ZNF860: variants seen among roughly 807,000 people sequenced by gnomAD.
The protein encoded by ZNF860 is zinc finger protein 860.
For synonymous variants in ZNF860, 206 were observed against 248.9 expected (o/e 0.83, Z 1.62); for missense variants, 641 against 759.2 (o/e 0.84, Z 1.83).
At position 31,981,956 on chromosome 3, in the gene ZNF860, C is replaced by CA. The variant is rs1698858897; in HGVS notation, c.-421+55dup. 1 of 151,860 alleles carries CA rather than the reference C, an allele frequency of 6.6e-6. No individual in the cohort carries two copies. 9.4% of individuals were successfully genotyped at this position (151,860 alleles called of 1,614,324 possible). Reference sequence around the variant, plus strand: ...AGGATTATGATAAATGCTTAACAGACACACGGCTGGGCTGGGGTGAGGCGC... The same window carrying CA: ...AGGATTATGATAAATGCTTAACAGACAACACGGCTGGGCTGGGGTGAGGCGC... On this transcript the variant is annotated intron_variant, in intron 1 of 1. Transcript: ENST00000360311. The surrounding 1 kb of genome is among the most constrained non-coding windows in gnomAD (Gnocchi z 4.5).
chr3:31,988,206 G>A (rs1698963691), intron 1 of ZNF860, among the ~76,000 whole-genome samples: 1 of 152,182 alleles, frequency 6.6e-6, no homozygotes, highest in Non-Finnish European at 1.5e-5. Flanking sequence ...GTGTGAAGGG[G>A]CAGATAACCA....
At chr3:31,986,475 C>CG (rs1201923618) in intron 1 of ZNF860, 4 of 152,280 alleles carry the variant, frequency 2.6e-5, no homozygotes, top group Non-Finnish European at 2.9e-5. Context: ...GGGCCAGGCG[C>CG]GGTGGCTCAC....
At chr3:31,999,763 C>T in the ZNF860 span, among the ~76,000 whole-genome samples, 1 of 152,140 alleles carries the variant, frequency 6.6e-6, no homozygotes, top group East Asian at 1.9e-4. Context: ...ATCACCTTTT[C>T]CAAGGCATGC....
intron 1 of ZNF860, among the ~76,000 whole-genome samples, chr3:31,988,457 T>C (rs1481667318): frequency 6.6e-6 from 1 of 152,228 alleles, no homozygotes; most frequent in Non-Finnish European, 1.5e-5. Context: ...GCTATGCCTA[T>C]AGATTCCTCT....
chr3:31,989,006 A>G lies in ZNF860; in HGVS notation c.-74A>G, dbSNP rs1281420021. On this transcript the variant is annotated 5_prime_UTR_variant, in exon 2 of 2. Coordinates refer to ENST00000360311, the MANE Select transcript of ZNF860 (RefSeq NM_001137674.3). ...GTGATAATTTGTTTCTCGGAAACAG[A>G]TAACTAATACAGAGCAGGAAGCAGA... is the stretch of plus-strand genomic sequence containing the variant. The G allele has an allele frequency of 1.9e-6, 3 of 1,565,184 alleles. No individual in the cohort carries two copies. The highest frequency in any genetic ancestry group is 2.6e-6 in the Non-Finnish European group (3 of 1,151,888).
chr3:32,000,396 C>A, the ZNF860 span, among the ~76,000 whole-genome samples: 2 of 152,170 alleles, frequency 1.3e-5, no homozygotes, highest in Non-Finnish European at 2.9e-5. Flanking sequence ...TACTTCATAG[C>A]TATATGACCT....
chr3:32,005,908 G>A, the ZNF860 span, among the ~76,000 whole-genome samples: 9 of 151,302 alleles, frequency 5.9e-5, no homozygotes, highest in South Asian at 2.1e-4. Context: ...CTTTTAAGTG[G>A]TGTCTTGTTT....
At chr3:31,995,634 A>T (rs1699083888), downstream of ZNF860, among the ~76,000 whole-genome samples, 1 of 152,338 alleles carries the variant, frequency 6.6e-6, no homozygotes, top group South Asian at 2.1e-4. Context: ...GGTGATGTAC[A>T]TCCTCAGCTT....
At chr3:32,005,166 C>T in the ZNF860 span, among the ~76,000 whole-genome samples, 3 of 152,056 alleles carry the variant, frequency 2.0e-5, no homozygotes, top group Non-Finnish European at 4.4e-5. Context: ...CCCATCAACG[C>T]GTCATCTAGG....
the ZNF860 span, among the ~76,000 whole-genome samples, chr3:32,002,420 G>A: frequency 6.6e-6 from 1 of 152,168 alleles, no homozygotes; most frequent in African/African-American, 2.4e-5. Context: ...TAAGTGAAAT[G>A]TATTTTGACA....
chr3:32,004,990 G>A, the ZNF860 span, among the ~76,000 whole-genome samples: 2 of 152,134 alleles, frequency 1.3e-5, no homozygotes, highest in African/African-American at 2.4e-5. Context: ...GGATAGGATG[G>A]CATCTTTATA....
the ZNF860 span, among the ~76,000 whole-genome samples, chr3:32,000,924 G>A: frequency 1.3e-5 from 2 of 152,128 alleles, no homozygotes; most frequent in Admixed American, 1.3e-4. Flanking sequence ...GAAATCTTTG[G>A]AACTGGAATG....
At chr3:32,005,272 A>G in the ZNF860 span, among the ~76,000 whole-genome samples, 1 of 152,086 alleles carries the variant, frequency 6.6e-6, no homozygotes, top group East Asian at 1.9e-4. Flanking sequence ...CCCATGATGC[A>G]CACGCACATC....
intron 1 of ZNF860, among the ~76,000 whole-genome samples, chr3:31,985,111 C>T (rs1367239784): frequency 1.3e-5 from 2 of 152,236 alleles, no homozygotes; most frequent in African/African-American, 4.8e-5. Context: ...TGGTCATACA[C>T]GCCTGTAGTC....
the ZNF860 span, among the ~76,000 whole-genome samples, chr3:31,997,800 G>A: frequency 6.6e-6 from 1 of 151,916 alleles, no homozygotes; most frequent in African/African-American, 2.4e-5. Context: ...TTTTGTTTCT[G>A]AGACAGGGTC....
chr3:31,996,782 A>G, the ZNF860 span, among the ~76,000 whole-genome samples: 1 of 152,344 alleles, frequency 6.6e-6, no homozygotes, highest in African/African-American at 2.4e-5. Flanking sequence ...AACTCCAGAG[A>G]GTGCAGAACT....
In ZNF860 at chr3:31,989,114, A is replaced by C. The variant is rs1447196856; in HGVS notation, c.35A>C (p.Glu12Ala). 6.2e-7 allele frequency: 1 copy of C among 1,614,130 alleles called. No individual in the cohort carries two copies. Residue 12 changes from glutamate to alanine, a missense_variant, in exon 2 of 2, where the codon GAA (glutamate) becomes GCA (alanine). Transcript: ENST00000360311. ...GAGGAAGCAGCTCAGAAGAGGAAAGAAAAGGAGCCAGGCATGGCTCTTCCT... is the reference window on the plus strand; with the variant it reads ...GAGGAAGCAGCTCAGAAGAGGAAAGCAAAGGAGCCAGGCATGGCTCTTCCT... ...LREEAAQKRK[E>A]KEPGMALPQG...
At position 31,989,496 on chromosome 3, in the gene ZNF860, C is replaced by T. The variant is rs748029616; in HGVS notation, c.417C>T (p.Asp139=). 6 of 1,614,150 alleles carry T rather than the reference C, an allele frequency of 3.7e-6. No individual in the cohort carries two copies. The Admixed American group carries it at 1.0e-4, about 27-fold the overall frequency. Residue 139 remains aspartate (D), a synonymous_variant, in exon 2 of 2, where the codon GAC becomes GAT. Transcript: ENST00000360311. ...TQIKKLTGST[D]RYDRRHPGNK... is the part of the protein sequence containing the mutation. ...TCAAAAAGTTGACTGGTAGCACCGACAGATATGATCGAAGGCATCCTGGAA... is the reference window on the plus strand; with the variant it reads ...TCAAAAAGTTGACTGGTAGCACCGATAGATATGATCGAAGGCATCCTGGAA...
At chr3:32,004,096 T>C in the ZNF860 span, among the ~76,000 whole-genome samples, 1 of 152,220 alleles carries the variant, frequency 6.6e-6, no homozygotes, top group Non-Finnish European at 1.5e-5. Flanking sequence ...TTTTAAATTA[T>C]TGAACTTACT....
Sources: gnomAD v4.1 joint callset for allele counts (sites outside exome capture counted in the v4.1 genomes callset) on GRCh38, gnomAD v4.1.1 for gene constraint, Gnocchi (gnomAD v3.1) non-coding constraint, MANE v1.5 for transcripts, NCBI Gene and HGNC (gene_info 2026-07-23, HGNC 2026-07-21) for gene names.